GRIP1: variants seen among roughly 807,000 people sequenced by gnomAD.
The protein encoded by GRIP1 is glutamate receptor-interacting protein 1.
GRIP1 carries 45 observed loss-of-function variants against 129.9 expected under a neutral mutation model. The ratio of observed to expected loss-of-function variants is 0.35; its 90% CI spans 0.27 to 0.44. The LOEUF is 0.44. Among genes scored for constraint, GRIP1 ranks in the 20% least tolerant of loss-of-function variants. The pLI is 1.00. For synonymous variants in GRIP1, 530 were observed against 520.8 expected, an observed-to-expected ratio of 1.02 and a Z score of -0.24; for missense variants, 1,196 against 1,396.8, an observed-to-expected ratio of 0.86 and a Z score of 2.29.
At chr12:66,866,938 T>C (rs2040216160) in intron 1 of GRIP1, among the ~76,000 whole-genome samples, 1 of 152,194 alleles carries the variant, frequency 6.6e-6, no homozygotes, top group African/African-American at 2.4e-5. Context: ...CACAATTTTA[T>C]CTGTCAATTT....
chr12:66,402,689 G>C (rs2057045792), intron 16 of GRIP1, among the ~76,000 whole-genome samples: 1 of 152,162 alleles, frequency 6.6e-6, no homozygotes, highest in African/African-American at 2.4e-5. Context: ...ACATTAGTAT[G>C]AGCAATATTT....
At chr12:66,490,624 T>C (rs1329879481) in intron 7 of GRIP1, among the ~76,000 whole-genome samples, 1 of 152,106 alleles carries the variant, frequency 6.6e-6, no homozygotes, top group Non-Finnish European at 1.5e-5. Flanking sequence ...GAGATCTAAT[T>C]AAACTAAAGA....
chr12:66,473,041 C>T (rs932439919), intron 7 of GRIP1, among the ~76,000 whole-genome samples: 1 of 152,184 alleles, frequency 6.6e-6, no homozygotes, highest in East Asian at 1.9e-4. Flanking sequence ...CAGCAGACCC[C>T]AGCCCCATGG....
intron 1 of GRIP1, among the ~76,000 whole-genome samples, chr12:66,761,053 T>C (rs1395777082): frequency 6.6e-6 from 1 of 152,058 alleles, no homozygotes; most frequent in Non-Finnish European, 1.5e-5. Flanking sequence ...CTTCGCAAAA[T>C]GGTCTCTGCT....
intron 2 of GRIP1, among the ~76,000 whole-genome samples, chr12:66,584,669 A>G (rs1388991526): frequency 1.3e-5 from 2 of 152,166 alleles, no homozygotes; most frequent in African/African-American, 4.8e-5. Context: ...CCTCAGCATT[A>G]GAAGGGTAAG....
intron 11 of GRIP1, among the ~76,000 whole-genome samples, chr12:66,453,185 T>C (rs530199204): frequency 6.6e-6 from 1 of 152,346 alleles, no homozygotes; most frequent in Middle Eastern, 3.4e-3. Context: ...TACTACAAAA[T>C]TTAAGATATG....
chr12:66,477,283 T>C (rs556508580), intron 7 of GRIP1, among the ~76,000 whole-genome samples: 5 of 152,134 alleles, frequency 3.3e-5, no homozygotes, highest in African/African-American at 1.2e-4. Context: ...TCACAATTGC[T>C]TCAAAGAGAA....
intron 1 of GRIP1, among the ~76,000 whole-genome samples, chr12:67,057,303 C>T (rs1041000150): frequency 3.3e-5 from 5 of 152,014 alleles, no homozygotes; most frequent in African/African-American, 1.2e-4. Flanking sequence ...CTCCCCTCCC[C>T]GCTCTCTCTG....
intron 1 of GRIP1, among the ~76,000 whole-genome samples, chr12:66,834,723 A>AT (rs911292799): frequency 1.3e-5 from 2 of 152,134 alleles, no homozygotes; most frequent in Admixed American, 1.3e-4. Flanking sequence ...TTTTATGGTG[A>AT]TTTTTTTGGA....
At chr12:66,799,459 T>C (rs1269084649) in intron 1 of GRIP1, among the ~76,000 whole-genome samples, 1 of 152,202 alleles carries the variant, frequency 6.6e-6, no homozygotes, top group Non-Finnish European at 1.5e-5. Flanking sequence ...GTCAGTCTGA[T>C]GATCCCACTA....
At chr12:66,660,821 T>C (rs1156780183) in intron 1 of GRIP1, among the ~76,000 whole-genome samples, 20 of 152,144 alleles carry the variant, frequency 1.3e-4, no homozygotes, top group Admixed American at 1.3e-3. Flanking sequence ...AGATATGGGC[T>C]ATGCCCATTA....
chr12:66,365,780 C>G (rs2137225271), intron 23 of GRIP1, among the ~76,000 whole-genome samples: 1 of 152,288 alleles, frequency 6.6e-6, no homozygotes, highest in South Asian at 2.1e-4. Flanking sequence ...CCATCTGGAT[C>G]TTGTTGAAGT....
At chr12:66,364,665 A>G (rs140661842) in intron 23 of GRIP1, among the ~76,000 whole-genome samples, 71 of 152,320 alleles carry the variant, frequency 4.7e-4, no homozygotes, top group African/African-American at 1.6e-3. Context: ...ATTTTATCTT[A>G]TGTAAAAATG....
intron 1 of GRIP1, among the ~76,000 whole-genome samples, chr12:66,673,238 C>T (rs1163374174): frequency 6.6e-6 from 1 of 152,106 alleles, no homozygotes; most frequent in African/African-American, 2.4e-5. Context: ...GATAATATTG[C>T]AAGATTTAAA....
At chr12:66,462,833 A>G in intron 9 of GRIP1, 91 bp downstream of exon 9, 2 of 732,718 alleles carry the variant, frequency 2.7e-6, no homozygotes, top group Non-Finnish European at 2.4e-6. Flanking sequence ...AGGCAGAATG[A>G]GACCCAGTGT....
At chr12:66,398,067 A>G (rs1008618752) in intron 16 of GRIP1, among the ~76,000 whole-genome samples, 1 of 152,170 alleles carries the variant, frequency 6.6e-6, no homozygotes, top group East Asian at 1.9e-4. Flanking sequence ...TCCCACTGCC[A>G]CTTGCTCTTG....
chr12:66,460,835 C>T (rs909322338), intron 9 of GRIP1, among the ~76,000 whole-genome samples: 1 of 152,026 alleles, frequency 6.6e-6, no homozygotes, highest in African/African-American at 2.4e-5. Flanking sequence ...GAATTGTAAA[C>T]ACAATAATAA....
chr12:67,013,077 CA>C, intron 1 of GRIP1, among the ~76,000 whole-genome samples: 1 of 152,174 alleles, frequency 6.6e-6, no homozygotes, highest in South Asian at 2.1e-4. Context: ...ATCAGTCAGG[CA>C]ATATTATAAA....
chr12:66,529,972 A>G (rs2061389603), intron 4 of GRIP1, 58 bp from the exon 5 acceptor site: 2 of 1,053,206 alleles, frequency 1.9e-6, no homozygotes, highest in Non-Finnish European at 1.5e-6. Flanking sequence ...ACATTTCTAA[A>G]TCATTCAATG....
Sources: allele counts gnomAD v4.1 joint callset (sites outside exome capture counted in the v4.1 genomes callset), GRCh38; gene constraint gnomAD v4.1.1; transcripts MANE v1.5; gene names NCBI Gene and HGNC (gene_info 2026-07-23, HGNC 2026-07-21).